MBNL2: variants seen among roughly 807,000 people sequenced by gnomAD.
MBNL2 encodes muscleblind like splicing regulator 2.
A neutral mutation model predicts 41.9 loss-of-function variants in MBNL2; 17 were observed. The ratio of observed to expected loss-of-function variants is 0.41; its 90% confidence interval spans 0.28 to 0.61. MBNL2 has a LOEUF of 0.61. MBNL2 is among the 20% of genes least tolerant of loss of function. The pLI is 0.35. For synonymous variants in MBNL2, 195 were observed against 182.9 expected (o/e 1.07, Z -0.53); for missense variants, 336 against 505.6 (o/e 0.66, Z 3.22).
At chr13:97,158,267 C>A in the MBNL2 span, among the ~76,000 whole-genome samples, 1 of 150,224 alleles carries the variant, frequency 6.7e-6, no homozygotes, top group Admixed American at 6.6e-5. Flanking sequence ...TTTATTGTGT[C>A]TATTGGATTC....
At chr13:97,171,943 G>A in the MBNL2 span, among the ~76,000 whole-genome samples, 12 of 152,278 alleles carry the variant, frequency 7.9e-5, no homozygotes, top group Non-Finnish European at 1.6e-4. Context: ...TATGTAAGAT[G>A]TGCCTTTTGC....
intron 1 of MBNL2, among the ~76,000 whole-genome samples, chr13:97,237,546 G>A (rs1313843748): frequency 6.6e-6 from 1 of 152,210 alleles, no homozygotes; most frequent in Non-Finnish European, 1.5e-5. Context: ...AGATGCCTGT[G>A]AGATTAGTGC....
At chr13:97,160,110 A>C in the MBNL2 span, among the ~76,000 whole-genome samples, 48 of 152,228 alleles carry the variant, frequency 3.2e-4, no homozygotes, top group African/African-American at 1.1e-3. Flanking sequence ...TTATTCTTTG[A>C]AAAAAGTAAT....
the MBNL2 span, among the ~76,000 whole-genome samples, chr13:97,191,161 G>T: frequency 6.6e-6 from 1 of 151,754 alleles, no homozygotes; most frequent in Non-Finnish European, 1.5e-5. Context: ...TGAGAGTTGT[G>T]TTCACTTGCA....
the MBNL2 span, among the ~76,000 whole-genome samples, chr13:97,148,869 G>A: frequency 1.3e-5 from 2 of 152,176 alleles, no homozygotes; most frequent in African/African-American, 4.8e-5. Flanking sequence ...TTCCTAGGGT[G>A]AATACATACA....
chr13:97,336,351 G>A (rs1279856555), intron 3 of MBNL2, among the ~76,000 whole-genome samples: 4 of 151,958 alleles, frequency 2.6e-5, no homozygotes, highest in South Asian at 2.1e-4. Flanking sequence ...TAGAGTATAC[G>A]TGGCTGAATA....
chr13:97,253,471 T>C (rs1161649331), intron 1 of MBNL2, among the ~76,000 whole-genome samples: 1 of 152,198 alleles, frequency 6.6e-6, no homozygotes, highest in Non-Finnish European at 1.5e-5. Flanking sequence ...AATTATACGC[T>C]CCTGAGTTAA....
chr13:97,229,069 C>A (rs1279713497), intron 1 of MBNL2, among the ~76,000 whole-genome samples: 1 of 150,390 alleles, frequency 6.6e-6, no homozygotes, highest in African/African-American at 2.5e-5. Flanking sequence ...CCAACCCAAG[C>A]AATTTTGAGA....
the MBNL2 span, among the ~76,000 whole-genome samples, chr13:97,154,915 A>G: frequency 6.6e-6 from 1 of 152,110 alleles, no homozygotes; most frequent in Non-Finnish European, 1.5e-5. Flanking sequence ...AATATTGAGT[A>G]CTGCACAAAT....
At chr13:97,319,561 C>A (rs1156978794) in intron 2 of MBNL2, among the ~76,000 whole-genome samples, 3 of 152,118 alleles carry the variant, frequency 2.0e-5, no homozygotes, top group Non-Finnish European at 4.4e-5. Context: ...TGAGACTCTG[C>A]CAATGCACAT....
At chr13:97,190,984 T>A in the MBNL2 span, among the ~76,000 whole-genome samples, 1 of 151,828 alleles carries the variant, frequency 6.6e-6, no homozygotes, top group Non-Finnish European at 1.5e-5. Context: ...AGCATGTTCA[T>A]TAAAAAACAA....
chr13:97,256,895 A>T (rs1168434300), intron 1 of MBNL2, among the ~76,000 whole-genome samples: 2 of 152,262 alleles, frequency 1.3e-5, no homozygotes, highest in Non-Finnish European at 2.9e-5. Flanking sequence ...CCAACAAGAC[A>T]CATTTCAGTA....
intron 3 of MBNL2, 27 bp from the exon 4 acceptor site, chr13:97,342,985 CTCTT>C: frequency 7.3e-7 from 1 of 1,373,904 alleles, no homozygotes; most frequent in Non-Finnish European, 1.0e-6. Flanking sequence ...TTCTAAATAA[CTCTT>C]TCTCCTGTGT....
At chr13:97,227,046 A>C (rs77597097) in intron 1 of MBNL2, among the ~76,000 whole-genome samples, 4 of 103,982 alleles carry the variant, frequency 3.8e-5, no homozygotes, top group South Asian at 3.0e-4. Context: ...GTTACAAAAA[A>C]AAAAAACAAA....
chr13:97,272,187 T>C (rs9516885), intron 1 of MBNL2, among the ~76,000 whole-genome samples: 89,598 of 151,996 alleles, frequency 0.59, 26,936 homozygotes, highest in East Asian at 0.7. Context: ...TGATGTTGAG[T>C]TTTTTTTCAT....
chr13:97,268,124 C>A lies in MBNL2; in HGVS notation c.-604-7508C>A, dbSNP rs541009589. ...TCCTTTCTTTCTTTTGAGACAGCGT[C>A]GCTCTTGTCATCCAGGCTAGAGTGC... On this transcript the variant is annotated intron_variant, in intron 1 of 8. Coordinates refer to ENST00000679496, the MANE Select transcript of MBNL2 (RefSeq NM_001382683.1). The surrounding 1 kb of genome is among the most constrained non-coding windows in gnomAD (Gnocchi z 4.6). Among the ~76,000 whole-genome samples the A allele has an allele frequency of 6.6e-6, 1 of 151,802 alleles. No homozygotes were observed. The highest frequency in any genetic ancestry group is 1.9e-4 in the East Asian group (1 of 5,140).
chr13:97,189,693 A>G, the MBNL2 span, among the ~76,000 whole-genome samples: 158 of 152,340 alleles, frequency 1.0e-3, no homozygotes, highest in Non-Finnish European at 2.0e-3. Flanking sequence ...TTATGTCTAT[A>G]TATACATACA....
At chr13:97,152,052 T>C in the MBNL2 span, among the ~76,000 whole-genome samples, 1 of 152,022 alleles carries the variant, frequency 6.6e-6, no homozygotes, top group Admixed American at 6.6e-5. Context: ...AATAAAGAGA[T>C]AAAGAAATTT....
At chr13:97,232,126 G>A (rs1015943648) in intron 1 of MBNL2, among the ~76,000 whole-genome samples, 2 of 152,176 alleles carry the variant, frequency 1.3e-5, no homozygotes, top group South Asian at 2.1e-4. Context: ...GCTGTCTAAC[G>A]AAGTAGCTTA....
Sources: gnomAD v4.1 joint callset for allele counts (sites outside exome capture counted in the v4.1 genomes callset) on GRCh38, gnomAD v4.1.1 for gene constraint, Gnocchi (gnomAD v3.1) non-coding constraint, MANE v1.5 for transcripts, NCBI Gene and HGNC (gene_info 2026-07-23, HGNC 2026-07-21) for gene names.